Variants in SH3GL3 observed in about 807,000 individuals in gnomAD.
SH3GL3 encodes endophilin-A3.
A neutral mutation model predicts 47.7 loss-of-function variants in SH3GL3; 33 were observed. That is an observed-to-expected ratio of 0.69 (90% CI 0.52 to 0.92). The LOEUF (loss-of-function observed/expected upper bound fraction) is 0.92, where lower values mean the gene tolerates loss of function less well. Among genes scored for constraint, SH3GL3 ranks in the 40% least tolerant of loss-of-function variants. The pLI is 0.00. For synonymous variants in SH3GL3, 155 were observed against 148.8 expected, an observed-to-expected ratio of 1.04 and a Z score of -0.30; for missense variants, 363 against 417.8, an observed-to-expected ratio of 0.87 and a Z score of 1.14.
At chr15:83,632,959 T>C in the SH3GL3 span, among the ~76,000 whole-genome samples, 1 of 152,186 alleles carries the variant, frequency 6.6e-6, no homozygotes, top group Non-Finnish European at 1.5e-5. Flanking sequence ...TGCAACATCA[T>C]TAATCAGCAT....
At chr15:83,503,229 CTA>C (rs1358021291) in intron 1 of SH3GL3, among the ~76,000 whole-genome samples, 1 of 152,058 alleles carries the variant, frequency 6.6e-6, no homozygotes, top group African/African-American at 2.4e-5. Context: ...TCTCATTACC[CTA>C]TATTGTTACT....
chr15:83,601,471 T>C, intron 8 of SH3GL3, among the ~76,000 whole-genome samples: 1 of 152,236 alleles, frequency 6.6e-6, no homozygotes, highest in Non-Finnish European at 1.5e-5. Flanking sequence ...TTTTTGTTTT[T>C]AATTCTGTTT....
At chr15:83,505,106 C>T (rs1051912964) in intron 1 of SH3GL3, among the ~76,000 whole-genome samples, 2 of 152,226 alleles carry the variant, frequency 1.3e-5, no homozygotes, top group East Asian at 1.9e-4. Flanking sequence ...ACACCACTTA[C>T]ATACGTATCT....
chr15:83,610,999 AATATGTATGTGTGTGTG>A (rs1320134605), intron 8 of SH3GL3, among the ~76,000 whole-genome samples: 2 of 148,430 alleles, frequency 1.3e-5, no homozygotes, highest in South Asian at 2.1e-4. Flanking sequence ...ATATATATAT[AATATGTATGTGTGTGTG>A]TATAAATGTA....
the SH3GL3 span, among the ~76,000 whole-genome samples, chr15:83,626,159 C>T: frequency 6.6e-6 from 1 of 152,130 alleles, no homozygotes; most frequent in Non-Finnish European, 1.5e-5. Context: ...CACTGTGTGA[C>T]TTTCACTTTT....
chr15:83,529,086 G>A (rs2043549682), intron 1 of SH3GL3, among the ~76,000 whole-genome samples: 1 of 152,196 alleles, frequency 6.6e-6, no homozygotes, highest in African/African-American at 2.4e-5. Context: ...CATGGTGTCT[G>A]TGATTGTCTC....
chr15:83,569,608 C>T (rs927093417), intron 4 of SH3GL3, among the ~76,000 whole-genome samples: 3 of 152,206 alleles, frequency 2.0e-5, no homozygotes, highest in Admixed American at 6.5e-5. Context: ...GGGTTACACT[C>T]ATTTGACACT....
At chr15:83,594,008 G>T (rs2060175998) in intron 8 of SH3GL3, among the ~76,000 whole-genome samples, 1 of 152,096 alleles carries the variant, frequency 6.6e-6, no homozygotes, top group African/African-American at 2.4e-5. Context: ...TCGTAGAGAT[G>T]AGGATTCACC....
At chr15:83,539,531 T>G (rs2044065756) in intron 1 of SH3GL3, among the ~76,000 whole-genome samples, 1 of 152,250 alleles carries the variant, frequency 6.6e-6, no homozygotes, top group South Asian at 2.1e-4. Flanking sequence ...AGAAATCTTC[T>G]TTTTGTCAAA....
At chr15:83,594,481 A>G (rs907956101) in intron 8 of SH3GL3, among the ~76,000 whole-genome samples, 1 of 152,188 alleles carries the variant, frequency 6.6e-6, no homozygotes, top group Non-Finnish European at 1.5e-5. Flanking sequence ...TATAATGAAC[A>G]TATATTTATA....
intron 5 of SH3GL3, 136 bp from the exon 6 acceptor site, chr15:83,576,447 A>G (rs2059681614): frequency 1.5e-6 from 1 of 669,212 alleles, no homozygotes; most frequent in Non-Finnish European, 2.5e-6. Flanking sequence ...AGGTGCTCCC[A>G]ACAGCAGTGT....
At chr15:83,505,893 CTTTA>C (rs1217378528) in intron 1 of SH3GL3, among the ~76,000 whole-genome samples, 4 of 152,080 alleles carry the variant, frequency 2.6e-5, no homozygotes, top group Non-Finnish European at 5.9e-5. Context: ...AATTAGTTGT[CTTTA>C]TTTATTTGTA....
At chr15:83,563,258 T>C (rs1336065470) in intron 2 of SH3GL3, among the ~76,000 whole-genome samples, 4 of 152,188 alleles carry the variant, frequency 2.6e-5, no homozygotes, top group Non-Finnish European at 5.9e-5. Flanking sequence ...GATTAAAGAG[T>C]ATTCCTTTAC....
intron 1 of SH3GL3, among the ~76,000 whole-genome samples, chr15:83,518,972 T>A (rs2043099175): frequency 6.6e-6 from 1 of 152,206 alleles, no homozygotes; most frequent in Non-Finnish European, 1.5e-5. Flanking sequence ...TAGCCAGCTA[T>A]CCCTGTAGGT....
chr15:83,551,783 C>G (rs1183611269), intron 1 of SH3GL3, among the ~76,000 whole-genome samples: 2 of 152,190 alleles, frequency 1.3e-5, no homozygotes. Flanking sequence ...GTGTGCATCT[C>G]TTAGAAGCTG....
chr15:83,545,683 A>T (rs1189251474), intron 1 of SH3GL3, among the ~76,000 whole-genome samples: 1 of 152,224 alleles, frequency 6.6e-6, no homozygotes, highest in East Asian at 1.9e-4. Context: ...CCAAGTATTC[A>T]AAGGGAATTG....
At chr15:83,588,344 T>G (rs2060004796) in intron 7 of SH3GL3, among the ~76,000 whole-genome samples, 2 of 152,200 alleles carry the variant, frequency 1.3e-5, no homozygotes, top group Admixed American at 1.3e-4. Context: ...TTGGCCAGGC[T>G]GATCTCGAAC....
intron 1 of SH3GL3, among the ~76,000 whole-genome samples, chr15:83,496,567 G>A (rs1249906048): frequency 6.6e-6 from 1 of 152,040 alleles, no homozygotes; most frequent in Non-Finnish European, 1.5e-5. Context: ...TGTCTTTCGG[G>A]CTTAGGTGTT....
At chr15:83,490,250 C>T (rs542724177) in intron 1 of SH3GL3, among the ~76,000 whole-genome samples, 3 of 149,762 alleles carry the variant, frequency 2.0e-5, no homozygotes, top group African/African-American at 7.5e-5. Context: ...AACACTGCCC[C>T]TTTAGTGATT....
Sources: gnomAD v4.1 joint callset for allele counts (sites outside exome capture counted in the v4.1 genomes callset) on GRCh38, gnomAD v4.1.1 for gene constraint, MANE v1.5 for transcripts, NCBI Gene and HGNC (gene_info 2026-07-23, HGNC 2026-07-21) for gene names.